Variants in ERG observed in about 807,000 individuals in gnomAD.
The protein encoded by ERG is transcriptional regulator ERG.
ERG carries 9 observed loss-of-function variants against 55.3 expected under a neutral mutation model. The observed-to-expected ratio is 0.16, with a 90% CI of 0.10 to 0.28. The LOEUF (loss-of-function observed/expected upper bound fraction) is 0.28, where lower values mean the gene tolerates loss of function less well. Ranked by LOEUF, ERG falls within the 10% of genes least tolerant of loss-of-function variation. The pLI is 1.00. For missense variants in ERG, 434 were observed against 631.6 expected (o/e 0.69, Z 3.35); for synonymous variants, 223 against 237.3 (o/e 0.94, Z 0.55).
chr21:38,478,432 G>C (rs188643439), intron 1 of ERG, among the ~76,000 whole-genome samples: 10 of 152,226 alleles, frequency 6.6e-5, no homozygotes, highest in Non-Finnish European at 1.2e-4. Context: ...CACTGGCCTG[G>C]TTCTCCCAGG....
intron 1 of ERG, among the ~76,000 whole-genome samples, chr21:38,484,893 C>G (rs2059269167): frequency 6.6e-6 from 1 of 151,880 alleles, no homozygotes; most frequent in African/African-American, 2.4e-5. Context: ...ATAGCACATA[C>G]AATTCTGTAC....
intron 1 of ERG, among the ~76,000 whole-genome samples, chr21:38,599,374 G>A (rs1246998765): frequency 2.0e-5 from 3 of 152,166 alleles, no homozygotes; most frequent in Non-Finnish European, 2.9e-5. Context: ...AGAGCTGTGG[G>A]GCAATGTCAC....
chr21:38,560,762 C>T (rs1221868257), intron 2 of ERG, among the ~76,000 whole-genome samples: 1 of 152,306 alleles, frequency 6.6e-6, no homozygotes, highest in East Asian at 1.9e-4. Flanking sequence ...ACCCATGACG[C>T]TATTTAGCCA....
intron 2 of ERG, among the ~76,000 whole-genome samples, chr21:38,545,691 C>T (rs974787689): frequency 2.6e-5 from 4 of 152,210 alleles, no homozygotes; most frequent in Non-Finnish European, 5.9e-5. Flanking sequence ...TAGAGACCAT[C>T]AACATGCCTT....
intron 2 of ERG, among the ~76,000 whole-genome samples, chr21:38,439,086 G>C (rs79117536): frequency 2.0e-5 from 3 of 152,286 alleles, no homozygotes; most frequent in South Asian, 4.1e-4. Context: ...GCTGAGGGGG[G>C]ACTCACAGCA....
At chr21:38,414,038 G>A (rs1178154945) in intron 3 of ERG, among the ~76,000 whole-genome samples, 1 of 152,200 alleles carries the variant, frequency 6.6e-6, no homozygotes, top group Non-Finnish European at 1.5e-5. Flanking sequence ...TCGTCTCATA[G>A]TTCTGGAGGA....
intron 1 of ERG, among the ~76,000 whole-genome samples, chr21:38,590,568 T>TCATTCATC (rs2060093858): frequency 6.7e-6 from 1 of 150,326 alleles, no homozygotes; most frequent in Non-Finnish European, 1.5e-5. Flanking sequence ...ATACAATTGT[T>TCATTCATC]CATCCATCCA....
At chr21:38,590,267 A>G (rs1331460360) in intron 1 of ERG, among the ~76,000 whole-genome samples, 6 of 152,194 alleles carry the variant, frequency 3.9e-5, no homozygotes, top group South Asian at 2.1e-4. Flanking sequence ...CAAGAGAGGT[A>G]CCAAAGATGC....
At chr21:38,606,614 T>C (rs1229971298) in intron 1 of ERG, among the ~76,000 whole-genome samples, 1 of 152,190 alleles carries the variant, frequency 6.6e-6, no homozygotes, top group African/African-American at 2.4e-5. Flanking sequence ...AAAGTTAATT[T>C]AAAATGACTT....
At chr21:38,556,819 A>G (rs991004372) in intron 2 of ERG, among the ~76,000 whole-genome samples, 1 of 152,004 alleles carries the variant, frequency 6.6e-6, no homozygotes, top group Non-Finnish European at 1.5e-5. Flanking sequence ...CCGCACCCAG[A>G]CCCCCATACT....
chr21:38,613,356 C>T (rs918998968), intron 1 of ERG, among the ~76,000 whole-genome samples: 1 of 152,182 alleles, frequency 6.6e-6, no homozygotes, highest in East Asian at 1.9e-4. Context: ...GACTATGAAA[C>T]CTCTAACACT....
At chr21:38,650,026 T>C (rs2060479422) in intron 1 of ERG, among the ~76,000 whole-genome samples, 1 of 152,206 alleles carries the variant, frequency 6.6e-6, no homozygotes, top group African/African-American at 2.4e-5. Context: ...TTGTGCTGCC[T>C]TAGGTGTAAA....
At chr21:38,549,724 C>G (rs1278332104) in intron 2 of ERG, among the ~76,000 whole-genome samples, 1 of 130,626 alleles carries the variant, frequency 7.7e-6, no homozygotes, top group African/African-American at 2.6e-5. Flanking sequence ...TCTTCCTTGT[C>G]TAGGACACAG....
intron 1 of ERG, among the ~76,000 whole-genome samples, chr21:38,577,564 T>C (rs774445954): frequency 6.6e-6 from 1 of 152,112 alleles, no homozygotes; most frequent in Non-Finnish European, 1.5e-5. Context: ...ACCAGGCTCC[T>C]GGTGCTCTCG....
chr21:38,498,888 C>T (rs2059400879), upstream of ERG, among the ~76,000 whole-genome samples: 1 of 152,216 alleles, frequency 6.6e-6, no homozygotes, highest in African/African-American at 2.4e-5. The surrounding 1 kb of genome is among the most constrained non-coding windows in gnomAD (Gnocchi z 4.6). Context: ...AGGACTTGAG[C>T]TCCTTTCTCC....
intron 1 of ERG, among the ~76,000 whole-genome samples, chr21:38,451,791 A>G (rs575529486): frequency 6.6e-6 from 1 of 152,236 alleles, no homozygotes; most frequent in South Asian, 2.1e-4. Context: ...AAATGTGTGC[A>G]CTTTTGCAAT....
rs571170911 is a variant in ERG, at chr21:38,430,229, C to G, written c.237-6668G>C. The stretch of plus-strand genomic sequence containing the variant: ...TTGTATTTCTTCTTTTGAGAATTGT[C>G]TATTCATGTCCTTAACCCATTTTTT... On this transcript the variant is annotated intron_variant, in intron 2 of 9. Transcript: ENST00000288319. 1.9e-3 allele frequency among the ~76,000 whole-genome samples: 283 copies of G among 152,136 alleles called. 1 individual carries two copies. The highest frequency in any genetic ancestry group is 6.7e-3 in the African/African-American group (279 of 41,490).
At chr21:38,416,994 C>T (rs939730736) in intron 3 of ERG, among the ~76,000 whole-genome samples, 1 of 152,230 alleles carries the variant, frequency 6.6e-6, no homozygotes, top group Non-Finnish European at 1.5e-5. Flanking sequence ...TCATAGCAAT[C>T]TCCATTCCTC....
In ERG at chr21:38,380,592, G is replaced by A. The variant is rs888853641; in HGVS notation, c.*2811C>T. 6.6e-6 allele frequency: 7 copies of A among 1,065,540 alleles called. No individual in the cohort carries two copies. In the African/African-American group the frequency reaches 1.1e-4, roughly 17 times the overall value. 66.0% of individuals were successfully genotyped at this position (1,065,540 alleles called of 1,614,324 possible). On this transcript the variant is annotated 3_prime_UTR_variant, in exon 10 of 10. Coordinates refer to ENST00000288319, the MANE Select transcript of ERG (RefSeq NM_182918.4). ...AGAGAGAAAAGGTTCATGCAATTAT[G>A]AATATGACCTGGAGGGGGCTTTGGA...
Sources: allele counts gnomAD v4.1 joint callset (sites outside exome capture counted in the v4.1 genomes callset), GRCh38; gene constraint gnomAD v4.1.1; non-coding constraint Gnocchi (gnomAD v3.1); transcripts MANE v1.5; gene names NCBI Gene and HGNC (gene_info 2026-07-23, HGNC 2026-07-21).